ITPR2: variants seen among roughly 807,000 people sequenced by gnomAD.
The protein encoded by ITPR2 is inositol 1,4,5-trisphosphate-gated calcium channel ITPR2.
In ITPR2, 207 loss-of-function variants were observed where a neutral mutation model predicts 317.1. The ratio of observed to expected loss-of-function variants is 0.65; its 90% confidence interval spans 0.58 to 0.73. The LOEUF is 0.73. Ranked by LOEUF, ITPR2 falls within the 30% of genes least tolerant of loss-of-function variation. ITPR2 has a pLI of 0.00. For synonymous variants in ITPR2, 1,156 were observed against 1,149.1 expected, an observed-to-expected ratio of 1.01 and a Z score of -0.12; for missense variants, 2,613 against 3,284.0, an observed-to-expected ratio of 0.80 and a Z score of 4.99.
intron 37 of ITPR2, among the ~76,000 whole-genome samples, chr12:26,518,628 T>C (rs1007497873): frequency 1.3e-5 from 2 of 152,074 alleles, no homozygotes; most frequent in East Asian, 3.9e-4. Context: ...ATAAATGTCA[T>C]ACCCAAAAAT....
chr12:26,669,924 G>A lies in ITPR2; in HGVS notation c.1410-3873C>T, dbSNP rs535463814. The stretch of plus-strand genomic sequence containing the variant: ...CCACACATGGCTGGGAGGGTCCTAC[G>A]CCCATGGGGTCTCGCTGATTGCTAA... On this transcript the variant is annotated intron_variant, in intron 13 of 56. Coordinates refer to ENST00000381340, the MANE Select transcript of ITPR2 (RefSeq NM_002223.4). Among the ~76,000 whole-genome samples the A allele has an allele frequency of 5.4e-4, 83 of 152,346 alleles. 1 individual carries two copies. The highest frequency in any genetic ancestry group is 9.1e-4 in the Non-Finnish European group (62 of 68,020).
intron 49 of ITPR2, chr12:26,419,449 A>G: frequency 2.6e-6 from 1 of 381,048 alleles, no homozygotes; most frequent in Non-Finnish European, 4.8e-6. Flanking sequence ...AACATAATAC[A>G]TGCAAAACTT....
chr12:26,449,266 A>G (rs1202541161), intron 45 of ITPR2, among the ~76,000 whole-genome samples: 1 of 152,214 alleles, frequency 6.6e-6, no homozygotes, highest in African/African-American at 2.4e-5. Flanking sequence ...AGGCAATTGT[A>G]TTACAATACA....
intron 37 of ITPR2, among the ~76,000 whole-genome samples, chr12:26,542,854 T>A (rs1944297099): frequency 6.6e-6 from 1 of 152,202 alleles, no homozygotes; most frequent in Non-Finnish European, 1.5e-5. Context: ...TCTAAATAGG[T>A]CAACTTCTTT....
At chr12:26,615,513 T>C (rs890952117) in intron 26 of ITPR2, among the ~76,000 whole-genome samples, 1 of 152,176 alleles carries the variant, frequency 6.6e-6, no homozygotes, top group Non-Finnish European at 1.5e-5. Context: ...AATGAACAGA[T>C]ATGTACTATA....
rs539231196 is a variant in ITPR2, at chr12:26,400,367, G to A, written c.7400-109C>T. ...AATAAATATACATACATATACATAA[G>A]TATGTAAATTTATACACATATGTAA... On this transcript the variant is annotated intron_variant, in intron 52 of 56. Transcript: ENST00000381340. 13 of 474,152 alleles carry A rather than the reference G, an allele frequency of 2.7e-5. No homozygotes were observed. In the Admixed American group the frequency reaches 3.0e-4, roughly 11 times the overall value. 29.4% of individuals were successfully genotyped at this position (474,152 alleles called of 1,614,324 possible).
intron 1 of ITPR2, among the ~76,000 whole-genome samples, chr12:26,792,279 A>C (rs1435171011): frequency 6.6e-6 from 1 of 152,048 alleles, no homozygotes; most frequent in Non-Finnish European, 1.5e-5. Flanking sequence ...ACTGAATTTG[A>C]AGATAATGGA....
At chr12:26,611,617 A>G (rs1946270162) in intron 26 of ITPR2, among the ~76,000 whole-genome samples, 1 of 152,206 alleles carries the variant, frequency 6.6e-6, no homozygotes, top group African/African-American at 2.4e-5. Context: ...GTAGATAGAT[A>G]TAGAGATAAA....
rs182775496 is a variant in ITPR2, at chr12:26,442,099, G to A, written c.6450+1444C>T. On this transcript the variant is annotated intron_variant, in intron 46 of 56. Coordinates refer to ENST00000381340, the MANE Select transcript of ITPR2 (RefSeq NM_002223.4). Reference sequence around the variant, plus strand: ...CTCTTTTCCAGTCCTGTCTCCAAACGGCAACCAGATTGATCTTTTGAAAAT... The same window carrying A: ...CTCTTTTCCAGTCCTGTCTCCAAACAGCAACCAGATTGATCTTTTGAAAAT... Among the ~76,000 whole-genome samples the A allele has an allele frequency of 2.0e-4, 30 of 151,754 alleles. No homozygotes were observed. In the East Asian group the frequency reaches 5.2e-3, roughly 27 times the overall value.
chr12:26,354,268 C>CT (rs2136564497), intron 55 of ITPR2, among the ~76,000 whole-genome samples: 1 of 152,122 alleles, frequency 6.6e-6, no homozygotes, highest in South Asian at 2.1e-4. Context: ...AGCCAGACTC[C>CT]CTCAAAAAAA....
At chr12:26,509,784 T>C (rs958795044) in intron 37 of ITPR2, among the ~76,000 whole-genome samples, 1 of 152,120 alleles carries the variant, frequency 6.6e-6, no homozygotes, top group Admixed American at 6.6e-5. Flanking sequence ...TCCAGTGCAC[T>C]GAATATAGGC....
chr12:26,786,763 G>A (rs1337310840), intron 2 of ITPR2, among the ~76,000 whole-genome samples: 1 of 152,192 alleles, frequency 6.6e-6, no homozygotes, highest in Non-Finnish European at 1.5e-5. Context: ...AAAATGTTAT[G>A]ATTCACTTGA....
At chr12:26,778,639 T>C (rs537334167) in intron 2 of ITPR2, among the ~76,000 whole-genome samples, 1 of 152,250 alleles carries the variant, frequency 6.6e-6, no homozygotes, top group Non-Finnish European at 1.5e-5. Context: ...CTTTGTTCCA[T>C]AATCTTATTC....
intron 37 of ITPR2, among the ~76,000 whole-genome samples, chr12:26,512,472 C>G (rs945398263): frequency 6.6e-6 from 1 of 152,170 alleles, no homozygotes; most frequent in South Asian, 2.1e-4. Context: ...TCTCTACCCA[C>G]CCCCCACATG....
At chr12:26,631,823 C>G in intron 22 of ITPR2, 43 bp downstream of exon 22, 2 of 1,565,598 alleles carry the variant, frequency 1.3e-6, no homozygotes, top group Non-Finnish European at 1.8e-6. Flanking sequence ...AATCAATAAG[C>G]AAAATTACAT....
intron 54 of ITPR2, among the ~76,000 whole-genome samples, chr12:26,390,169 T>C (rs1591983759): frequency 6.6e-6 from 1 of 152,302 alleles, no homozygotes; most frequent in East Asian, 1.9e-4. Flanking sequence ...AAATGTAAAA[T>C]GGTGCAGCAG....
At chr12:26,728,802 T>C (rs535880585) in intron 2 of ITPR2, among the ~76,000 whole-genome samples, 1 of 152,350 alleles carries the variant, frequency 6.6e-6, no homozygotes, top group South Asian at 2.1e-4. Flanking sequence ...AGTCCTATTA[T>C]GAATGTAAGG....
At chr12:26,608,836 T>A (rs1288911395) in intron 26 of ITPR2, among the ~76,000 whole-genome samples, 1 of 150,886 alleles carries the variant, frequency 6.6e-6, no homozygotes, top group Middle Eastern at 3.2e-3. Flanking sequence ...TACAGCAATA[T>A]GTCCCAGAAA....
chr12:26,461,711 CACACACAT>C (rs1942034701), intron 45 of ITPR2, among the ~76,000 whole-genome samples: 2 of 146,328 alleles, frequency 1.4e-5, no homozygotes, highest in South Asian at 2.2e-4. Context: ...CACACACACA[CACACACAT>C]ACATATAAAG....
Sources: gnomAD v4.1 joint callset for allele counts (sites outside exome capture counted in the v4.1 genomes callset) on GRCh38, gnomAD v4.1.1 for gene constraint, MANE v1.5 for transcripts, NCBI Gene and HGNC (gene_info 2026-07-23, HGNC 2026-07-21) for gene names.